CMIP: variants seen among roughly 807,000 people sequenced by gnomAD.
The protein encoded by CMIP is c-Maf inducing protein, also known as C-Maf-inducing protein.
In CMIP, 13 loss-of-function variants were observed where a neutral mutation model predicts 97.3. The observed-to-expected ratio is 0.13, with a 90% CI of 0.09 to 0.21. The LOEUF is 0.21. CMIP is among the 10% of genes least tolerant of loss of function. The pLI is 1.00. For missense variants in CMIP, 847 were observed against 1,024.9 expected, an observed-to-expected ratio of 0.83 and a Z score of 2.37; for synonymous variants, 538 against 436.3, an observed-to-expected ratio of 1.23 and a Z score of -2.91.
intron 9 of CMIP, among the ~76,000 whole-genome samples, chr16:81,673,089 G>C (rs764191260): frequency 5.3e-5 from 8 of 152,214 alleles, no homozygotes; most frequent in Non-Finnish European, 1.2e-4. Context: ...GCAGGGCAGG[G>C]CCACGACCTG....
At chr16:81,535,595 C>T (rs2090327528) in intron 1 of CMIP, among the ~76,000 whole-genome samples, 1 of 151,692 alleles carries the variant, frequency 6.6e-6, no homozygotes, top group African/African-American at 2.4e-5. Flanking sequence ...CTGTGCCTGG[C>T]ATAGAAAAAG....
At chr16:81,572,789 A>G (rs796972076) in intron 1 of CMIP, among the ~76,000 whole-genome samples, 35 of 152,254 alleles carry the variant, frequency 2.3e-4, no homozygotes, top group African/African-American at 8.2e-4. Flanking sequence ...GTTTGAGTGC[A>G]GAATGACGGC....
chr16:81,651,447 C>G, intron 3 of CMIP: 1 of 943,334 alleles, frequency 1.1e-6, no homozygotes, highest in Non-Finnish European at 1.3e-6. Context: ...CTCTTGTCTT[C>G]CTCACCAGGT....
rs116103889 is a variant in CMIP, at chr16:81,488,777, C to T, written c.300+43236C>T. On this transcript the variant is annotated intron_variant, in intron 1 of 20. Coordinates refer to ENST00000537098, the MANE Select transcript of CMIP (RefSeq NM_198390.3). The stretch of plus-strand genomic sequence containing the variant: ...ACTCTCCCCACAGCTCCTGGCTCTT[C>T]GCTGTTCTGCAGGCCCAGTGTGATC... Among the ~76,000 whole-genome samples, 456 of 152,258 alleles carry T rather than the reference C, an allele frequency of 3.0e-3. 4 individuals are homozygous for T. The highest frequency in any genetic ancestry group is 0.011 in the African/African-American group (442 of 41,546).
chr16:81,694,973 C>A (rs4423411), intron 13 of CMIP, among the ~76,000 whole-genome samples: 37,616 of 152,080 alleles, frequency 0.25, 4,696 homozygotes, highest in Middle Eastern at 0.27. Context: ...GTGAAGACAG[C>A]GTCTCAGAAT....
intron 13 of CMIP, 37 bp downstream of exon 13, chr16:81,693,524 T>C: frequency 6.3e-7 from 1 of 1,598,350 alleles, no homozygotes; most frequent in Non-Finnish European, 8.5e-7. Context: ...GCCGGCTGTC[T>C]GGGGATGGCA....
chr16:81,523,099 TG>T (rs1207215917), intron 1 of CMIP, among the ~76,000 whole-genome samples: 3 of 152,122 alleles, frequency 2.0e-5, no homozygotes. Context: ...GCTAATTTTT[TG>T]GTAGAGACAG....
At chr16:81,672,568 A>G (rs191215417) in intron 9 of CMIP, among the ~76,000 whole-genome samples, 2 of 152,142 alleles carry the variant, frequency 1.3e-5, no homozygotes, top group Admixed American at 1.3e-4. Context: ...CATGATTTGC[A>G]TGGTTTTATT....
Position 81,652,457 on chromosome 16 carries a change from C to T in CMIP, c.639+93C>T, listed in dbSNP as rs186489652. 2.5e-3 allele frequency: 2,807 copies of T among 1,142,114 alleles called. 92 individuals carry two copies. The Admixed American group carries it at 0.051, about 21-fold the overall frequency. The allele number at this position is 1,142,114 out of a possible 1,614,324, so 70.7% of individuals were successfully genotyped here. A position where few individuals can be genotyped will look rare whatever the true frequency, so the allele number is the denominator to read the frequency against. ...CAAGCAGCAGGCGCAGGCAGAGCTC[C>T]GTGTGGGCTGTGTTGTTGCCCTGCT... On this transcript the variant is annotated intron_variant, in intron 4 of 20. Coordinates refer to ENST00000537098, the MANE Select transcript of CMIP (RefSeq NM_198390.3). This position sits in a 1 kb window ranked among gnomAD's most constrained non-coding sequence, Gnocchi z 5.2.
At chr16:81,451,923 C>G (rs1906240288) in intron 1 of CMIP, among the ~76,000 whole-genome samples, 1 of 152,192 alleles carries the variant, frequency 6.6e-6, no homozygotes, top group African/African-American at 2.4e-5. Context: ...CCAGTGTATT[C>G]AACAGGCACC....
chr16:81,485,236 G>C (rs11865163), intron 1 of CMIP, among the ~76,000 whole-genome samples: 7,368 of 152,268 alleles, frequency 0.048, 200 homozygotes, highest in Non-Finnish European at 0.062. Flanking sequence ...AATTTTCCTA[G>C]TATAATATGT....
intron 14 of CMIP, 150 bp from the exon 15 acceptor site, chr16:81,699,535 C>A: frequency 1.7e-6 from 1 of 596,414 alleles, no homozygotes; most frequent in South Asian, 1.9e-5. Flanking sequence ...TCTTGCATCC[C>A]CCTGGGGCCT....
At chr16:81,626,951 CTGAG>C (rs956842792) in intron 3 of CMIP, among the ~76,000 whole-genome samples, 2 of 130,142 alleles carry the variant, frequency 1.5e-5, no homozygotes, top group African/African-American at 5.9e-5. Flanking sequence ...GTGGGGGTGA[CTGAG>C]TGTGTGTGTG....
At chr16:81,528,120 G>A (rs1399181716) in intron 1 of CMIP, among the ~76,000 whole-genome samples, 17 of 152,146 alleles carry the variant, frequency 1.1e-4, no homozygotes, top group Admixed American at 1.1e-3. Flanking sequence ...AGCCATTTTG[G>A]TGGGTATATA....
Position 81,519,330 on chromosome 16 carries a change from C to G in CMIP, c.300+73789C>G, listed in dbSNP as rs535490352. 8.5e-5 allele frequency: 13 copies of G among 152,288 alleles called. No individual in the cohort carries two copies. The East Asian group carries it at 9.7e-4, about 11-fold the overall frequency. 9.4% of individuals were successfully genotyped at this position (152,288 alleles called of 1,614,324 possible). A position where few individuals can be genotyped will look rare whatever the true frequency, so the allele number is the denominator to read the frequency against. On this transcript the variant is annotated intron_variant, in intron 1 of 20. Transcript: ENST00000537098. ...AACACACACACAAAAAGTAAAATCC[C>G]TGTGATTATATTTTTGCTAGTACTT...
chr16:81,463,060 G>A (rs1049339526), intron 1 of CMIP, among the ~76,000 whole-genome samples: 1 of 152,108 alleles, frequency 6.6e-6, no homozygotes, highest in Non-Finnish European at 1.5e-5. Flanking sequence ...AGGCTACCTG[G>A]CAAATTCAGC....
At chr16:81,619,811 C>T (rs1473793017) in intron 2 of CMIP, 2 of 152,152 alleles carry the variant, frequency 1.3e-5, no homozygotes, top group Admixed American at 6.5e-5. Flanking sequence ...ATGACAGTAC[C>T]GACTTCACAG....
chr16:81,475,033 C>T (rs1907811524), intron 1 of CMIP, among the ~76,000 whole-genome samples: 1 of 152,176 alleles, frequency 6.6e-6, no homozygotes, highest in Non-Finnish European at 1.5e-5. Context: ...TTCACCGTGG[C>T]CTTGTGGCTT....
chr16:81,499,960 C>T (rs1467505428), intron 1 of CMIP, among the ~76,000 whole-genome samples: 1 of 152,248 alleles, frequency 6.6e-6, no homozygotes, highest in Non-Finnish European at 1.5e-5. Flanking sequence ...TGGGCTTCAC[C>T]TGGCTCCTCT....
Sources: gnomAD v4.1 joint callset for allele counts (sites outside exome capture counted in the v4.1 genomes callset) on GRCh38, gnomAD v4.1.1 for gene constraint, Gnocchi (gnomAD v3.1) non-coding constraint, MANE v1.5 for transcripts, NCBI Gene and HGNC (gene_info 2026-07-23, HGNC 2026-07-21) for gene names.